The following MOV10L1 variants were observed in gnomAD, a reference collection of about 807,000 sequenced individuals.
The protein encoded by MOV10L1 is Mov10 like RNA helicase 1, also known as RNA helicase Mov10l1.
Under a neutral mutation model 143.8 loss-of-function variants are expected in MOV10L1, and 110 were observed. The ratio of observed to expected loss-of-function variants is 0.76; its 90% CI spans 0.66 to 0.90. The LOEUF is 0.90. MOV10L1 is among the 40% of genes least tolerant of loss of function. The pLI is 0.00. For missense variants in MOV10L1, 1,406 were observed against 1,526.8 expected (o/e 0.92, Z 1.32); for synonymous variants, 593 against 581.1 (o/e 1.02, Z -0.29).
At chr22:50,128,880 T>TG (rs1482944793) in intron 13 of MOV10L1, among the ~76,000 whole-genome samples, 1 of 151,166 alleles carries the variant, frequency 6.6e-6, no homozygotes, top group Non-Finnish European at 1.5e-5. Flanking sequence ...GGTCCCAGGC[T>TG]GGTCATAAAC....
rs145339994 is a variant in MOV10L1 at position 50,098,729 on chromosome 22, T to C, written c.283-714T>C. Among the ~76,000 whole-genome samples, 5 of 152,342 alleles carry C rather than the reference T, an allele frequency of 3.3e-5. No homozygotes were observed. The East Asian group carries it at 9.6e-4, about 29-fold the overall frequency. The stretch of plus-strand genomic sequence containing the variant: ...AAATTTGAAAGTCTTGAAGTAAGCA[T>C]GGGCATCCTTGCCTGGTTCCTGATC... On this transcript the variant is annotated intron_variant, in intron 2 of 26. Transcript: ENST00000262794.
chr22:50,150,251 A>G (rs2063260546), intron 20 of MOV10L1, among the ~76,000 whole-genome samples: 1 of 152,072 alleles, frequency 6.6e-6, no homozygotes, highest in Admixed American at 6.5e-5. Context: ...CCCATCCTAG[A>G]TGTCTGTCCC....
At chr22:50,118,936 G>C (rs1403771004) in intron 9 of MOV10L1, among the ~76,000 whole-genome samples, 2 of 152,086 alleles carry the variant, frequency 1.3e-5, no homozygotes, top group Non-Finnish European at 2.9e-5. Context: ...TTAACTCTTT[G>C]GGGCACAGTT....
chr22:50,105,325 T>C (rs563298936), intron 3 of MOV10L1, among the ~76,000 whole-genome samples: 39 of 152,232 alleles, frequency 2.6e-4, no homozygotes, highest in Non-Finnish European at 5.0e-4. Context: ...GTTGTCTCTG[T>C]CATTCTTTTC....
chr22:50,146,891 CAA>C (rs2063167796), intron 19 of MOV10L1: 2 of 619,344 alleles, frequency 3.2e-6, no homozygotes, highest in African/African-American at 3.7e-5. Flanking sequence ...TTTTTTGGTT[CAA>C]GTCTTCAAAA....
In MOV10L1 at chr22:50,159,839, G is replaced by A. The variant is rs1028460482; in HGVS notation, c.3324+54G>A. 1.7e-6 allele frequency: 2 copies of A among 1,205,620 alleles called. No homozygotes were observed. The highest frequency in any genetic ancestry group is 2.4e-6 in the Non-Finnish European group (2 of 824,038). The allele number at this position is 1,205,620 out of a possible 1,614,324, so 74.7% of individuals were successfully genotyped here. A position where few individuals can be genotyped will look rare whatever the true frequency, so the allele number is the denominator to read the frequency against. ...GACAGTCAGGTGCTTGCTGCCCTGG[G>A]GGTTCTGGGGGCTTCAGATCTAAAG... is the stretch of plus-strand genomic sequence containing the variant. On this transcript the variant is annotated intron_variant, in intron 24 of 26. Coordinates refer to ENST00000262794, the MANE Select transcript of MOV10L1 (RefSeq NM_018995.3). This position sits in a 1 kb window ranked among gnomAD's most constrained non-coding sequence, Gnocchi z 4.1.
Position 50,158,509 on chromosome 22 carries a change from C to G in MOV10L1, c.3216+303C>G, listed in dbSNP as rs113840953. ...TGGGAAAACATTTGCCAACCCCCAG[C>G]TCTAACCCAGTGTTTCTCAAAGGGG... On this transcript the variant is annotated intron_variant, in intron 23 of 26. Coordinates refer to ENST00000262794, the MANE Select transcript of MOV10L1 (RefSeq NM_018995.3). The surrounding 1 kb of genome is among the most constrained non-coding windows in gnomAD (Gnocchi z 5.0). 2.3e-4 allele frequency: 79 copies of G among 346,074 alleles called. 1 individual carries two copies. The highest frequency in any genetic ancestry group is 1.5e-3 in the African/African-American group (68 of 46,876). 21.4% of individuals were successfully genotyped at this position (346,074 alleles called of 1,614,324 possible).
At chr22:50,130,960 G>A (rs1329206110) in intron 13 of MOV10L1, among the ~76,000 whole-genome samples, 12 of 151,976 alleles carry the variant, frequency 7.9e-5, no homozygotes, top group South Asian at 2.1e-4. Flanking sequence ...GCAGTGGCAC[G>A]ATCTCGGCTC....
Position 50,159,762 on chromosome 22 carries a change from T to C in MOV10L1, c.3301T>C (p.Tyr1101His). The C allele has an allele frequency of 6.2e-7, 1 of 1,611,032 alleles. No homozygotes were observed. Residue 1101 changes from tyrosine (Y) to histidine (H), a missense_variant, in exon 24 of 27, where the codon TAT becomes CAT. Tyr to His is a moderately conservative substitution (Grantham distance 83). Around this residue, in one of 3 missense-constraint regions of MOV10L1, gnomAD observed 1,233 missense variants for 1,351.4 expected, o/e 0.91. Transcript: ENST00000262794. The surrounding 1 kb of genome is among the most constrained non-coding windows in gnomAD (Gnocchi z 4.1). The part of the protein sequence containing the change: ...GSVEEFQGQE[Y>H]LVIIISTVRS... ...AGTAGAGGAGTTTCAAGGACAAGAG[T>C]ATCTGGTCATCATCATTTCGACCGT...
chr22:50,090,404 C>G (rs181326638), intron 1 of MOV10L1: 2 of 1,568,432 alleles, frequency 1.3e-6, no homozygotes, highest in South Asian at 1.2e-5. Flanking sequence ...TGAGGTCTCT[C>G]CGGTGACACC....
intron 5 of MOV10L1, among the ~76,000 whole-genome samples, chr22:50,110,679 C>T (rs570854243): frequency 5.9e-5 from 9 of 152,228 alleles, no homozygotes; most frequent in East Asian, 5.8e-4. Flanking sequence ...GCCTGTAATC[C>T]TAGGACTTTG....
At chr22:50,108,433 G>A in intron 4 of MOV10L1, 185 bp downstream of exon 4, 1 of 758,642 alleles carries the variant, frequency 1.3e-6, no homozygotes, top group Non-Finnish European at 2.3e-6. Context: ...ATAACTCCTA[G>A]TGCTTGCATA....
Position 50,092,126 on chromosome 22 carries a change from C to T in MOV10L1, c.223C>T (p.Gln75Ter). 1 of 1,614,138 alleles carries T rather than the reference C, an allele frequency of 6.2e-7. No homozygotes were observed. Among genetic ancestry groups the T allele is most frequent in the Non-Finnish European group, 8.5e-7 (1 of 1,180,014 alleles). ...TAGCAGAGTGCTTCTGAATGTTGGA[C>T]AGGAAGTGATTGCAGTTGTGGAAGA... ...VTSRVLLNVG[Q>*]EVIAVVEENK... The change falls in exon 2 of 27, where the codon CAG (glutamine) becomes TAG (stop). Residue 75 changes from glutamine (Q) to a stop codon, truncating the protein, a stop_gained. Coordinates refer to ENST00000262794, the MANE Select transcript of MOV10L1 (RefSeq NM_018995.3). LOFTEE classifies it high-confidence loss of function.
At chr22:50,157,857 G>A (rs964580923) in intron 22 of MOV10L1, among the ~76,000 whole-genome samples, 200 bp from the exon 23 acceptor site, 4 of 151,116 alleles carry the variant, frequency 2.6e-5, no homozygotes, top group African/African-American at 9.7e-5. Flanking sequence ...GTCCTCCTCT[G>A]TAGCGTTTAG....
At chr22:50,107,413 G>T (rs1425553994) in intron 3 of MOV10L1, among the ~76,000 whole-genome samples, 1 of 152,122 alleles carries the variant, frequency 6.6e-6, no homozygotes, top group African/African-American at 2.4e-5. Flanking sequence ...TCGAATGTAG[G>T]TGTCAGCTGC....
chr22:50,095,579 C>T (rs981303695), intron 2 of MOV10L1: 12 of 152,164 alleles, frequency 7.9e-5, no homozygotes, highest in South Asian at 2.1e-4. Flanking sequence ...TACTCACACG[C>T]GGCCTTCCAA....
At chr22:50,126,351 C>T in intron 12 of MOV10L1, 79 bp downstream of exon 12, 1 of 1,028,980 alleles carries the variant, frequency 9.7e-7, no homozygotes, top group Non-Finnish European at 1.5e-6. Context: ...CTCCCCACGG[C>T]TCTTGGGGAG....
intron 10 of MOV10L1, among the ~76,000 whole-genome samples, chr22:50,123,196 CAAAAAAA>C (rs71198219): frequency 1.6e-4 from 16 of 101,450 alleles, no homozygotes; most frequent in African/African-American, 7.0e-4. Flanking sequence ...ACTCATGTCT[CAAAAAAA>C]AAAAAAAAAA....
At position 50,090,084 on chromosome 22, in the gene MOV10L1, G is replaced by T; in HGVS notation, c.-5G>T. ...GGTGACGGCAGCCTAGGCCGGGCGA[G>T]GGCCATGCTGAGCCTCGCAGCCAAG... On this transcript the variant is annotated 5_prime_UTR_variant, in exon 1 of 27. It adds an upstream start codon to the 5' untranslated region. Transcript: ENST00000262794. 7.6e-7 allele frequency: 1 copy of T among 1,316,528 alleles called. No homozygotes were observed. The highest frequency in any genetic ancestry group is 9.7e-7 in the Non-Finnish European group (1 of 1,031,714). 81.6% of individuals were successfully genotyped at this position (1,316,528 alleles called of 1,614,324 possible).
Sources: gnomAD v4.1 joint callset for allele counts (sites outside exome capture counted in the v4.1 genomes callset) on GRCh38, gnomAD v4.1.1 for gene constraint, gnomAD v4.1.1 regional missense constraint, Gnocchi (gnomAD v3.1) non-coding constraint, MANE v1.5 for transcripts, NCBI Gene and HGNC (gene_info 2026-07-23, HGNC 2026-07-21) for gene names.